Variants in VWA3A observed in about 807,000 individuals in gnomAD.
VWA3A encodes the protein von Willebrand factor A domain containing 3A, also known as von Willebrand factor A domain-containing protein 3A.
A neutral mutation model predicts 160.4 loss-of-function variants in VWA3A; 134 were observed. The ratio of observed to expected loss-of-function variants is 0.84; its 90% CI spans 0.73 to 0.96. The LOEUF (loss-of-function observed/expected upper bound fraction) is 0.96. Among genes scored for constraint, VWA3A ranks in the 40% least tolerant of loss-of-function variants. VWA3A has a pLI of 0.00. For missense variants in VWA3A, 1,310 were observed against 1,447.9 expected, an observed-to-expected ratio of 0.90 and a Z score of 1.55; for synonymous variants, 476 against 543.4, an observed-to-expected ratio of 0.88 and a Z score of 1.72.
In VWA3A at chr16:22,152,678, C is replaced by T. The variant is rs201099416; in HGVS notation, c.3405+44C>T. 1.6e-5 allele frequency: 25 copies of T among 1,567,576 alleles called. No homozygotes were observed. In the East Asian group the frequency reaches 3.8e-4, roughly 24 times the overall value. On this transcript the variant is annotated intron_variant, in intron 31 of 33. Coordinates refer to ENST00000389398, the MANE Select transcript of VWA3A (RefSeq NM_173615.5). The stretch of plus-strand genomic sequence containing the variant: ...GAGCATGAGGTCTGTTGAAACGGCT[C>T]GATAAAATATCAACAGGCATGGGGT...
chr16:22,098,106 C>A (rs905475394), intron 3 of VWA3A, among the ~76,000 whole-genome samples: 1 of 152,156 alleles, frequency 6.6e-6, no homozygotes, highest in African/African-American at 2.4e-5. Flanking sequence ...GACCAGACTA[C>A]GATTTTAGGC....
chr16:22,131,664 G>A lies in VWA3A; in HGVS notation c.1807G>A (p.Asp603Asn), dbSNP rs1222982214. 1 of 1,613,992 alleles carries A rather than the reference G, an allele frequency of 6.2e-7. No individual in the cohort carries two copies. The highest frequency in any genetic ancestry group is 8.5e-7 in the Non-Finnish European group (1 of 1,179,884). Residue 603 changes from aspartate to asparagine, a missense_variant, in exon 19 of 34, where the codon GAC (aspartate) becomes AAC (asparagine). Physicochemically the swap from Asp to Asn is conservative, Grantham distance 23. Coordinates refer to ENST00000389398, the MANE Select transcript of VWA3A (RefSeq NM_173615.5). ...LRKAVEVDFK[D>N]KDKHQSQGIY... ...GAAGGCTGTGGAAGTAGACTTCAAG[G>A]ACAAAGACAAACACCAATCGCAGGG...
At chr16:22,153,548 AG>A (rs2046385592) in intron 31 of VWA3A, among the ~76,000 whole-genome samples, 1 of 152,180 alleles carries the variant, frequency 6.6e-6, no homozygotes, top group Non-Finnish European at 1.5e-5. Flanking sequence ...TAATAAGTCT[AG>A]TAAAGTCATA....
intron 1 of VWA3A, among the ~76,000 whole-genome samples, chr16:22,093,760 C>T (rs1290574334): frequency 6.6e-6 from 1 of 151,960 alleles, no homozygotes; most frequent in Non-Finnish European, 1.5e-5. Flanking sequence ...AGGTTCAGCA[C>T]TTTTTTGTTT....
chr16:22,153,593 AAT>A (rs2046386161), intron 31 of VWA3A, among the ~76,000 whole-genome samples: 1 of 152,180 alleles, frequency 6.6e-6, no homozygotes, highest in South Asian at 2.1e-4. Context: ...TTAATAGGAA[AAT>A]TCTGCACTTA....
Position 22,138,440 on chromosome 16 carries a change from G to C in VWA3A, c.2220G>C (p.Lys740Asn), listed in dbSNP as rs1305705940. 6.2e-7 allele frequency: 1 copy of C among 1,613,460 alleles called. No individual in the cohort carries two copies. ...CAGCCCTCCCGAAAGAAAAACCAAA[G>C]ACACTTCAGCTAAGAAGTCAGCCCA... ...GSSALPKEKP[K>N]TLQLRSQPKK... The change falls in exon 22 of 34, where the codon AAG (lysine) becomes AAC (asparagine). Residue 740 changes from lysine (K) to asparagine (N), a missense_variant. Transcript: ENST00000389398.
At chr16:22,155,694 G>T in intron 32 of VWA3A, 30 bp downstream of exon 32, 1 of 1,610,234 alleles carries the variant, frequency 6.2e-7, no homozygotes. Context: ...TCTCCGGCCT[G>T]CCATGTGGCT....
At chr16:22,106,885 A>C (rs2045490019) in intron 6 of VWA3A, among the ~76,000 whole-genome samples, 1 of 152,190 alleles carries the variant, frequency 6.6e-6, no homozygotes, top group Non-Finnish European at 1.5e-5. Flanking sequence ...GGACCAGCAG[A>C]ACTTGCTGAT....
chr16:22,115,133 G>A (rs192501096), intron 8 of VWA3A, among the ~76,000 whole-genome samples: 6 of 152,060 alleles, frequency 3.9e-5, no homozygotes, highest in Admixed American at 2.0e-4. Context: ...AAAATTAGCC[G>A]GGCAGGATGC....
chr16:22,132,996 A>G lies in VWA3A; in HGVS notation c.1969A>G (p.Thr657Ala), dbSNP rs1205395421. 2 of 1,613,926 alleles carry G rather than the reference A, an allele frequency of 1.2e-6. No individual in the cohort carries two copies. Among genetic ancestry groups the G allele is most frequent in the Admixed American group, 1.7e-5 (1 of 60,006 alleles). Residue 657 changes from threonine (T) to alanine (A), a missense_variant, in exon 20 of 34, where the codon ACA (threonine) becomes GCA (alanine). Thr to Ala is a moderately conservative substitution (Grantham distance 58). Coordinates refer to ENST00000389398, the MANE Select transcript of VWA3A (RefSeq NM_173615.5). ...CGTGGGCGAGCCAAAGATGGACACC[A>G]CACCCCCTGCCCGCTATGCCAGTCA... The part of the protein sequence containing the change: ...FYVGEPKMDT[T>A]PPARYASHTD...
chr16:22,096,337 T>C (rs1324536152), intron 1 of VWA3A, among the ~76,000 whole-genome samples: 2 of 152,150 alleles, frequency 1.3e-5, no homozygotes, highest in Admixed American at 6.5e-5. Context: ...AGTGGCTCAC[T>C]CTTATAATCC....
At chr16:22,141,833 C>T (rs1459644129) in intron 24 of VWA3A, 141 bp downstream of exon 24, 1 of 639,150 alleles carries the variant, frequency 1.6e-6, no homozygotes, top group African/African-American at 1.8e-5. Context: ...CCGTACTCAA[C>T]TCAGTTCTCC....
At chr16:22,136,052 A>C (rs1281356836) in intron 21 of VWA3A, among the ~76,000 whole-genome samples, 1 of 152,122 alleles carries the variant, frequency 6.6e-6, no homozygotes, top group Non-Finnish European at 1.5e-5. Context: ...CAGCCTCCCA[A>C]AGTGCTGGGA....
chr16:22,106,914 G>A (rs576648387), intron 6 of VWA3A, among the ~76,000 whole-genome samples: 1 of 152,310 alleles, frequency 6.6e-6, no homozygotes, highest in East Asian at 1.9e-4. Flanking sequence ...TAGGTCTGGG[G>A]CCAGAGTGCC....
intron 13 of VWA3A, 76 bp from the exon 14 acceptor site, chr16:22,121,438 T>A: frequency 8.2e-7 from 1 of 1,222,874 alleles, no homozygotes; most frequent in Non-Finnish European, 1.2e-6. Context: ...AGCAAAACCC[T>A]GTCTCAAAAA....
rs373435037 is a variant in VWA3A at position 22,115,616 on chromosome 16, G to A, written c.815+144G>A. 112 of 923,410 alleles carry A rather than the reference G, an allele frequency of 1.2e-4. 2 individuals carry two copies. The highest frequency in any genetic ancestry group is 1.5e-4 in the Non-Finnish European group (100 of 651,212). The allele number at this position is 923,410 out of a possible 1,614,324, so 57.2% of individuals were successfully genotyped here. A position where few individuals can be genotyped will look rare whatever the true frequency, so the allele number is the denominator to read the frequency against. On this transcript the variant is annotated intron_variant, in intron 9 of 33. Transcript: ENST00000389398. ...GGAGGCCGAGACAGGAGGATTGCTCGAAGCCAGGAGTTTGTGACCAGTCTG... is the reference window on the plus strand; with the variant it reads ...GGAGGCCGAGACAGGAGGATTGCTCAAAGCCAGGAGTTTGTGACCAGTCTG...
At chr16:22,139,264 C>T (rs777167728) in intron 22 of VWA3A, among the ~76,000 whole-genome samples, 1 of 152,210 alleles carries the variant, frequency 6.6e-6, no homozygotes, top group Non-Finnish European at 1.5e-5. Flanking sequence ...TTCGCCCCCT[C>T]CTCAGAGGCT....
chr16:22,113,363 CTTTT>C (rs569069206), intron 8 of VWA3A, among the ~76,000 whole-genome samples: 2,043 of 45,262 alleles, frequency 0.045, no homozygotes, highest in African/African-American at 0.1. Flanking sequence ...GGCTAATTTT[CTTTT>C]TTTTTTTTTT....
chr16:22,136,168 C>A (rs1488396196), intron 21 of VWA3A, among the ~76,000 whole-genome samples: 1 of 152,168 alleles, frequency 6.6e-6, no homozygotes, highest in Non-Finnish European at 1.5e-5. Context: ...AGAGAGGTAG[C>A]TAGGAGCCAG....
Sources: gnomAD v4.1 joint callset for allele counts (sites outside exome capture counted in the v4.1 genomes callset) on GRCh38, gnomAD v4.1.1 for gene constraint, MANE v1.5 for transcripts, NCBI Gene and HGNC (gene_info 2026-07-23, HGNC 2026-07-21) for gene names.